Variants in MYO1B observed in about 807,000 individuals in gnomAD.
The protein encoded by MYO1B is myosin IB.
Under a neutral mutation model 159.7 loss-of-function variants are expected in MYO1B, and 72 were observed. That is an observed-to-expected ratio of 0.45 (90% CI 0.37 to 0.55). The LOEUF is 0.55. MYO1B is among the 20% of genes least tolerant of loss of function. The pLI is 0.00. For missense variants in MYO1B, 1,062 were observed against 1,364.8 expected (o/e 0.78, Z 3.50); for synonymous variants, 468 against 473.8 (o/e 0.99, Z 0.16).
intron 12 of MYO1B, 106 bp from the exon 13 acceptor site, chr2:191,370,121 T>C (rs1574531100): frequency 1.4e-6 from 1 of 736,564 alleles, no homozygotes; most frequent in Non-Finnish European, 2.2e-6. Flanking sequence ...GTTATTTTCT[T>C]ACTTAAGAAA....
chr2:191,373,849 C>A (rs1254921638), intron 13 of MYO1B, among the ~76,000 whole-genome samples: 1 of 151,874 alleles, frequency 6.6e-6, no homozygotes, highest in Admixed American at 6.6e-5. Context: ...CTTTTTTTCC[C>A]CCCAGTTCCT....
At position 191,369,575 on chromosome 2, in the gene MYO1B, C is replaced by T; in HGVS notation, c.1066C>T (p.Leu356Phe). 6.2e-7 allele frequency: 1 copy of T among 1,613,354 alleles called. No homozygotes were observed. Among genetic ancestry groups the T allele is most frequent in the Non-Finnish European group, 8.5e-7 (1 of 1,179,560 alleles). The change falls in exon 12 of 31, where the codon CTC becomes TTC. Residue 356 changes from leucine (L) to phenylalanine (F), a missense_variant. Physicochemically the swap from Leu to Phe is conservative, Grantham distance 22. Around this residue, in one of 5 missense-constraint regions of MYO1B, gnomAD observed 415 missense variants for 544.0 expected, o/e 0.76. Transcript: ENST00000392318. ...YYARDALAKN[L>F]YSRLFSWLVN... ...TGCCCGTGATGCTCTGGCTAAAAAC[C>T]TCTACAGCAGGTTGTTTTCATGGTT...
At chr2:191,267,603 C>T (rs1018216612) in intron 1 of MYO1B, among the ~76,000 whole-genome samples, 3 of 152,210 alleles carry the variant, frequency 2.0e-5, no homozygotes, top group Non-Finnish European at 2.9e-5. Context: ...AATCAGCCAT[C>T]ACCTAAGTCT....
chr2:191,325,678 A>G (rs1397672988), intron 3 of MYO1B, among the ~76,000 whole-genome samples: 3 of 152,194 alleles, frequency 2.0e-5, no homozygotes, highest in Non-Finnish European at 2.9e-5. Context: ...ATGGCAGGGT[A>G]GAGAACATGG....
At position 191,329,626 on chromosome 2, in the gene MYO1B, T is replaced by C. The variant is rs1388966512; in HGVS notation, c.252-309T>C. Among the ~76,000 whole-genome samples, 11 of 147,624 alleles carry C rather than the reference T, an allele frequency of 7.5e-5. 1 individual carries two copies. Among genetic ancestry groups the C allele is most frequent in the Admixed American group, 7.4e-4 (11 of 14,770 alleles). On this transcript the variant is annotated intron_variant, in intron 3 of 30. Transcript: ENST00000392318. Reference sequence around the variant, plus strand: ...ATTTCATATAAATTTTATATAAATTTATTAAATAAATTTATATAAATTATT... The same window carrying C: ...ATTTCATATAAATTTTATATAAATTCATTAAATAAATTTATATAAATTATT...
intron 7 of MYO1B, among the ~76,000 whole-genome samples, chr2:191,351,427 T>C (rs1044139428): frequency 2.0e-5 from 3 of 151,054 alleles, no homozygotes; most frequent in African/African-American, 7.3e-5. Flanking sequence ...TGAAAATTAT[T>C]ATTTAGTAAT....
intron 1 of MYO1B, among the ~76,000 whole-genome samples, chr2:191,247,185 C>T (rs148208835): frequency 1.3e-5 from 2 of 152,152 alleles, no homozygotes; most frequent in South Asian, 4.1e-4. Flanking sequence ...TGAAGGTTAG[C>T]ATTACTGTGG....
Position 191,413,938 on chromosome 2 carries a change from A to AT in MYO1B, c.2874-105dup, listed in dbSNP as rs567226166. 431 of 1,128,936 alleles carry AT rather than the reference A, an allele frequency of 3.8e-4. 5 individuals carry two copies. The East Asian group carries it at 0.01, about 27-fold the overall frequency. 69.9% of individuals were successfully genotyped at this position (1,128,936 alleles called of 1,614,324 possible). On this transcript the variant is annotated intron_variant, in intron 27 of 30. Coordinates refer to ENST00000392318, the MANE Select transcript of MYO1B (RefSeq NM_001130158.3). ...TAATATATAAAATAAATTGAAATCAATTTTTATGAAGTTGTCAGCTACTCC... is the reference window on the plus strand; with the variant it reads ...TAATATATAAAATAAATTGAAATCAATTTTTTATGAAGTTGTCAGCTACTCC...
chr2:191,354,971 A>G (rs112793512), intron 7 of MYO1B, among the ~76,000 whole-genome samples: 3,989 of 152,296 alleles, frequency 0.026, 169 homozygotes, highest in African/African-American at 0.089. Context: ...GCCTTGATTA[A>G]TCCCCTCTCT....
intron 24 of MYO1B, among the ~76,000 whole-genome samples, chr2:191,407,340 G>C (rs1559242520): frequency 6.6e-6 from 1 of 152,086 alleles, no homozygotes; most frequent in African/African-American, 2.4e-5. Context: ...CTAATATTTT[G>C]CTAAATTCTA....
chr2:191,347,695 T>C (rs1186181132), intron 6 of MYO1B, among the ~76,000 whole-genome samples: 1 of 152,236 alleles, frequency 6.6e-6, no homozygotes, highest in Non-Finnish European at 1.5e-5. Context: ...GATTATGGGC[T>C]AAATCATTTC....
At chr2:191,297,534 C>G (rs879891287) in intron 3 of MYO1B, among the ~76,000 whole-genome samples, 10 of 152,152 alleles carry the variant, frequency 6.6e-5, no homozygotes, top group Non-Finnish European at 1.0e-4. Flanking sequence ...GCATCATCCT[C>G]TCTCTCTCAA....
chr2:191,330,880 A>G (rs961932759), intron 4 of MYO1B, among the ~76,000 whole-genome samples: 3 of 152,234 alleles, frequency 2.0e-5, no homozygotes, highest in Non-Finnish European at 2.9e-5. Flanking sequence ...TTTCTATTCT[A>G]CATGGCTGGT....
rs1302308582 is a variant in MYO1B at position 191,396,279 on chromosome 2, T to G, written c.2227-150T>G. 7 of 674,550 alleles carry G rather than the reference T, an allele frequency of 1.0e-5. No individual in the cohort carries two copies. The African/African-American group carries it at 1.3e-4, about 12-fold the overall frequency. 41.8% of individuals were successfully genotyped at this position (674,550 alleles called of 1,614,324 possible). ...TTAACTGTAATAATATTGGATTGTT[T>G]GATATTTTGGTTTCTTTATGTATTG... On this transcript the variant is annotated intron_variant, in intron 20 of 30. Coordinates refer to ENST00000392318, the MANE Select transcript of MYO1B (RefSeq NM_001130158.3).
At chr2:191,365,864 T>A (rs1693976370) in intron 11 of MYO1B, among the ~76,000 whole-genome samples, 1 of 152,256 alleles carries the variant, frequency 6.6e-6, no homozygotes, top group African/African-American at 2.4e-5. Context: ...AGGTGAAGTC[T>A]GCAGTCAGAG....
At chr2:191,300,113 C>T (rs577475567) in intron 3 of MYO1B, among the ~76,000 whole-genome samples, 13 of 152,236 alleles carry the variant, frequency 8.5e-5, no homozygotes, top group African/African-American at 2.6e-4. Flanking sequence ...GAAACAGGGT[C>T]AATGCTAACT....
intron 13 of MYO1B, among the ~76,000 whole-genome samples, chr2:191,378,448 G>C (rs752077110): frequency 6.6e-6 from 1 of 152,068 alleles, no homozygotes; most frequent in Non-Finnish European, 1.5e-5. Context: ...TGGGGGCAGG[G>C]GGCAGATCTC....
At chr2:191,308,293 A>T (rs1689776014) in intron 3 of MYO1B, among the ~76,000 whole-genome samples, 6 of 152,220 alleles carry the variant, frequency 3.9e-5, no homozygotes, top group Admixed American at 3.9e-4. Flanking sequence ...TATACCACAG[A>T]TGTGGACATG....
At chr2:191,364,996 C>T (rs1208347803) in intron 11 of MYO1B, among the ~76,000 whole-genome samples, 2 of 151,434 alleles carry the variant, frequency 1.3e-5, no homozygotes, top group Non-Finnish European at 2.9e-5. Flanking sequence ...CTTGAACCCC[C>T]TCTACCCTTG....
Sources: gnomAD v4.1 joint callset for allele counts (sites outside exome capture counted in the v4.1 genomes callset) on GRCh38, gnomAD v4.1.1 for gene constraint, gnomAD v4.1.1 regional missense constraint, MANE v1.5 for transcripts, NCBI Gene and HGNC (gene_info 2026-07-23, HGNC 2026-07-21) for gene names.